FOXP1: variants seen among roughly 807,000 people sequenced by gnomAD.
FOXP1 encodes forkhead box protein P1.
FOXP1 carries 15 observed loss-of-function variants against 98.2 expected under a neutral mutation model. The observed-to-expected ratio is 0.15, with a 90% CI of 0.10 to 0.24. FOXP1 has a LOEUF of 0.24. Among genes scored for constraint, FOXP1 ranks in the 10% least tolerant of loss-of-function variants. The probability of loss-of-function intolerance (pLI) is 1.00; values close to 1 mark genes in which losing one functional copy is unlikely to be tolerated. For synonymous variants in FOXP1, 371 were observed against 314.5 expected (o/e 1.18, Z -1.90); for missense variants, 633 against 848.5 (o/e 0.75, Z 3.15).
At chr3:71,014,981 G>A (rs577867633) in intron 12 of FOXP1, among the ~76,000 whole-genome samples, 261 of 151,858 alleles carry the variant, frequency 1.7e-3, no homozygotes, top group African/African-American at 6.1e-3. Flanking sequence ...TCACACATCA[G>A]GGCCTGTCGT....
At chr3:71,193,485 G>C (rs1185014467) in intron 6 of FOXP1, among the ~76,000 whole-genome samples, 2 of 137,374 alleles carry the variant, frequency 1.5e-5, no homozygotes, top group East Asian at 2.2e-4. Context: ...TTCTCACTTT[G>C]TCGCCCAGGC....
At chr3:71,109,185 G>T (rs891607512) in intron 7 of FOXP1, among the ~76,000 whole-genome samples, 1 of 152,156 alleles carries the variant, frequency 6.6e-6, no homozygotes, top group African/African-American at 2.4e-5. Context: ...TCAGTATGTG[G>T]ATCTGCAAAG....
rs905642294 is a variant in FOXP1, at chr3:71,539,115, AT to A, written c.-298+42433del. On this transcript the variant is annotated intron_variant, in intron 2 of 20. Coordinates refer to ENST00000649528, the MANE Select transcript of FOXP1 (RefSeq NM_001349338.3). ...TTTTATTTTTTATTTTTTTGTTTTT[AT>A]TTTTTTTTTGTTTGAGATGGGGTCT... Among the ~76,000 whole-genome samples the A allele has an allele frequency of 1.0e-3, 136 of 129,906 alleles. No individual in the cohort carries two copies. In the Middle Eastern group the frequency reaches 0.012, roughly 11 times the overall value. The allele number at this position is 129,906 out of a possible 152,430, so 85.2% of individuals were successfully genotyped here.
At chr3:71,528,691 C>A (rs917835894) in intron 2 of FOXP1, among the ~76,000 whole-genome samples, 2 of 152,238 alleles carry the variant, frequency 1.3e-5, no homozygotes, top group African/African-American at 4.8e-5. Flanking sequence ...GGGGGCTGGA[C>A]TACTTGAACA....
At position 71,072,543 on chromosome 3, in the gene FOXP1, A is replaced by G. The variant is rs759729722; in HGVS notation, c.283-18770T>C. ...AACATCAACAACTTGTAGTACATAC[A>G]GTAAGTCACATACATGCTTTAAGAC... On this transcript the variant is annotated intron_variant, in intron 7 of 20. Coordinates refer to ENST00000649528, the MANE Select transcript of FOXP1 (RefSeq NM_001349338.3). 4.6e-5 allele frequency among the ~76,000 whole-genome samples: 7 copies of G among 152,238 alleles called. No homozygotes were observed. In the East Asian group the frequency reaches 7.7e-4, roughly 17 times the overall value.
intron 2 of FOXP1, among the ~76,000 whole-genome samples, chr3:71,505,546 C>A (rs2041754477): frequency 6.6e-6 from 1 of 151,930 alleles, no homozygotes; most frequent in South Asian, 2.1e-4. Flanking sequence ...CTGCCTCAGC[C>A]TCCAGAGTAG....
At chr3:71,041,914 GACA>G (rs1429571587) in intron 10 of FOXP1, among the ~76,000 whole-genome samples, 2 of 152,154 alleles carry the variant, frequency 1.3e-5, no homozygotes, top group Non-Finnish European at 2.9e-5. Context: ...ATACTATTAT[GACA>G]ACATGAACTA....
At chr3:71,165,021 C>T (rs79848974) in intron 6 of FOXP1, among the ~76,000 whole-genome samples, 1,598 of 152,174 alleles carry the variant, frequency 0.011, 17 homozygotes, top group African/African-American at 0.037. Flanking sequence ...CTAGCTATCC[C>T]AAAATGTAGA....
chr3:71,467,150 AACATACACGTATATAT>A (rs1316705592), intron 3 of FOXP1, among the ~76,000 whole-genome samples: 2 of 152,236 alleles, frequency 1.3e-5, no homozygotes, highest in Non-Finnish European at 2.9e-5. Context: ...GTATATAACA[AACATACACGTATATAT>A]ACATACACGT....
intron 3 of FOXP1, among the ~76,000 whole-genome samples, chr3:71,396,950 GTATATATATATA>G (rs1194695203): frequency 2.0e-5 from 1 of 50,932 alleles, no homozygotes; most frequent in African/African-American, 8.5e-5. Context: ...ATATATATGT[GTATATATATATA>G]TGTGTGTATA....
chr3:71,452,984 C>A (rs1416249640), intron 3 of FOXP1, among the ~76,000 whole-genome samples: 1 of 152,196 alleles, frequency 6.6e-6, no homozygotes, highest in Non-Finnish European at 1.5e-5. Flanking sequence ...GAGGCAGCAA[C>A]AACAGCTCCC....
intron 5 of FOXP1, among the ~76,000 whole-genome samples, chr3:71,199,450 G>C (rs1194503516): frequency 1.3e-5 from 2 of 152,098 alleles, no homozygotes; most frequent in Non-Finnish European, 2.9e-5. Context: ...TATAGGCCTG[G>C]GGGCGGTGGC....
At chr3:71,123,154 T>C (rs2058906162) in intron 6 of FOXP1, among the ~76,000 whole-genome samples, 1 of 152,088 alleles carries the variant, frequency 6.6e-6, no homozygotes, top group Non-Finnish European at 1.5e-5. Context: ...TCATCTAAAT[T>C]CAACCTTTGC....
intron 11 of FOXP1, among the ~76,000 whole-genome samples, chr3:71,032,153 C>T (rs1361086576): frequency 6.6e-6 from 1 of 152,230 alleles, no homozygotes; most frequent in East Asian, 1.9e-4. Context: ...AGCCCCGATG[C>T]CTTCCTGTGA....
intron 5 of FOXP1, among the ~76,000 whole-genome samples, chr3:71,233,724 T>C (rs1395797348): frequency 6.6e-6 from 1 of 151,792 alleles, no homozygotes; most frequent in Non-Finnish European, 1.5e-5. Flanking sequence ...ATACATTGTA[T>C]TCTCTGATTC....
intron 4 of FOXP1, among the ~76,000 whole-genome samples, chr3:71,311,756 T>C (rs190386667): frequency 6.6e-6 from 1 of 152,240 alleles, no homozygotes; most frequent in African/African-American, 2.4e-5. Flanking sequence ...GGCAGCTCTG[T>C]GCCCACAGGG....
chr3:71,139,034 A>G (rs764012019), intron 6 of FOXP1, among the ~76,000 whole-genome samples: 9 of 152,374 alleles, frequency 5.9e-5, no homozygotes, highest in South Asian at 4.1e-4. Context: ...GGGTTAAAAT[A>G]AAAATACAAA....
intron 10 of FOXP1, among the ~76,000 whole-genome samples, chr3:71,042,795 G>C (rs2048526337): frequency 6.6e-6 from 1 of 152,050 alleles, no homozygotes; most frequent in African/African-American, 2.4e-5. Flanking sequence ...AAAATGCCAA[G>C]GTCTAAATTT....
chr3:71,221,789 C>G (rs1284875784), intron 5 of FOXP1, among the ~76,000 whole-genome samples: 1 of 152,204 alleles, frequency 6.6e-6, no homozygotes, highest in Non-Finnish European at 1.5e-5. Flanking sequence ...CTACCTCTTA[C>G]TTACAACTCT....
Sources: allele counts gnomAD v4.1 joint callset (sites outside exome capture counted in the v4.1 genomes callset), GRCh38; gene constraint gnomAD v4.1.1; transcripts MANE v1.5; gene names NCBI Gene and HGNC (gene_info 2026-07-23, HGNC 2026-07-21).